ZGRF1: variants seen among roughly 807,000 people sequenced by gnomAD.
The protein encoded by ZGRF1 is 5'-3' DNA helicase ZGRF1.
ZGRF1 carries 196 observed loss-of-function variants against 203.5 expected under a neutral mutation model. That is an observed-to-expected ratio of 0.96 (90% CI 0.86 to 1.08). The LOEUF (loss-of-function observed/expected upper bound fraction) is 1.08. Ranked by LOEUF, ZGRF1 falls within the 50% of genes least tolerant of loss-of-function variation. The pLI is 0.00. For synonymous variants in ZGRF1, 809 were observed against 841.3 expected, an observed-to-expected ratio of 0.96 and a Z score of 0.66; for missense variants, 2,326 against 2,416.3, an observed-to-expected ratio of 0.96 and a Z score of 0.78.
In ZGRF1 at chr4:112,587,905, T is replaced by G; in HGVS notation, c.3152A>C (p.Glu1051Ala). 6.5e-7 allele frequency: 1 copy of G among 1,532,104 alleles called. No individual in the cohort carries two copies. The highest frequency in any genetic ancestry group is 8.8e-7 in the Non-Finnish European group (1 of 1,140,970). The allele number at this position is 1,532,104 out of a possible 1,614,324, so 94.9% of individuals were successfully genotyped here. ...TGAAAGCCTTTGAAGGTTCTCATTC[T>G]CCAGAGAACGGGATTTTTTCATCCC... Reference protein sequence around the residue: ...LEGMKKSRSLENENLQRLSLL... With the variant: ...LEGMKKSRSLANENLQRLSLL... Residue 1051 changes from glutamate to alanine, a missense_variant, in exon 12 of 28, where the codon GAG becomes GCG. Physicochemically the swap from Glu to Ala is moderately radical, Grantham distance 107. Coordinates refer to ENST00000505019, the MANE Select transcript of ZGRF1 (RefSeq NM_018392.5).
Position 112,582,255 on chromosome 4 carries a change from A to G in ZGRF1, c.4299-453T>C, listed in dbSNP as rs1406296029. 2.0e-5 allele frequency among the ~76,000 whole-genome samples: 3 copies of G among 150,710 alleles called. No homozygotes were observed. In the East Asian group the frequency reaches 5.8e-4, roughly 29 times the overall value. ...CTAGTTATTCTGATATATACAATAA[A>G]TTATTGTTAACTATAATTTCCCTAC... On this transcript the variant is annotated intron_variant, in intron 15 of 27. Transcript: ENST00000505019.
At chr4:112,614,140 C>T in intron 6 of ZGRF1, among the ~76,000 whole-genome samples, 1 of 150,756 alleles carries the variant, frequency 6.6e-6, no homozygotes, top group East Asian at 2.2e-4. Context: ...AAATTGGTGG[C>T]AAAATTTCTT....
Position 112,634,714 on chromosome 4 carries a change from C to G in ZGRF1, c.-66-1472G>C, listed in dbSNP as rs529573528. Reference sequence around the variant, plus strand: ...TGCAAGAAAGTGACTGGCATCTTCCCTTGACTAATCAAGGTGATCTGGAGA... The same window carrying G: ...TGCAAGAAAGTGACTGGCATCTTCCGTTGACTAATCAAGGTGATCTGGAGA... On this transcript the variant is annotated intron_variant, in intron 1 of 27. Transcript: ENST00000505019. 2.6e-5 allele frequency among the ~76,000 whole-genome samples: 4 copies of G among 152,120 alleles called. No individual in the cohort carries two copies. In the East Asian group the frequency reaches 7.7e-4, roughly 29 times the overall value.
At chr4:112,554,120 G>A in intron 21 of ZGRF1, 138 bp from the exon 22 acceptor site, 2 of 640,198 alleles carry the variant, frequency 3.1e-6, no homozygotes, top group South Asian at 2.0e-5. Context: ...TGTTACATAT[G>A]TATACATGTG....
chr4:112,543,964 C>T (rs995226185), intron 24 of ZGRF1, among the ~76,000 whole-genome samples: 2 of 152,056 alleles, frequency 1.3e-5, no homozygotes, highest in East Asian at 3.9e-4. Context: ...CTGGGATTTA[C>T]AGGCTGGAGC....
chr4:112,622,019 C>T (rs112169625), intron 4 of ZGRF1, among the ~76,000 whole-genome samples: 1,860 of 151,728 alleles, frequency 0.012, 12 homozygotes, highest in Middle Eastern at 0.044. Flanking sequence ...TGAGCCACCG[C>T]GCCTGGCCTG....
chr4:112,613,909 G>A (rs994435838), intron 6 of ZGRF1, among the ~76,000 whole-genome samples: 2 of 152,094 alleles, frequency 1.3e-5, no homozygotes, highest in South Asian at 2.1e-4. Flanking sequence ...TTAGGCAATT[G>A]CTATTTATGA....
intron 11 of ZGRF1, among the ~76,000 whole-genome samples, chr4:112,589,140 A>G (rs1414029433): frequency 2.6e-5 from 4 of 152,168 alleles, no homozygotes; most frequent in African/African-American, 9.7e-5. Flanking sequence ...TCAGGGGAAG[A>G]TATATTGATG....
intron 3 of ZGRF1, 179 bp from the exon 4 acceptor site, chr4:112,624,055 A>C (rs1163885930): frequency 1.9e-6 from 1 of 523,066 alleles, no homozygotes; most frequent in East Asian, 3.3e-5. Context: ...CAGTCTGTTT[A>C]AGAGAGTAAA....
In ZGRF1 at chr4:112,539,446, T is replaced by A; in HGVS notation, c.*101A>T. On this transcript the variant is annotated 3_prime_UTR_variant, in exon 28 of 28. Coordinates refer to ENST00000505019, the MANE Select transcript of ZGRF1 (RefSeq NM_018392.5). ...TGTTTACTATGTTATTTAAATATCA[T>A]ATTTTTAATAAGAGGGTTTAGAGTA... 1 of 624,432 alleles carries A rather than the reference T, an allele frequency of 1.6e-6. No individual in the cohort carries two copies. Among genetic ancestry groups the A allele is most frequent in the Non-Finnish European group, 2.5e-6 (1 of 407,512 alleles). 38.7% of individuals were successfully genotyped at this position (624,432 alleles called of 1,614,324 possible).
At position 112,554,001 on chromosome 4, in the gene ZGRF1, A is replaced by T. The variant is rs751180472; in HGVS notation, c.5199-19T>A. The T allele has an allele frequency of 9.5e-6, 15 of 1,586,510 alleles. No individual in the cohort carries two copies. The highest frequency in any genetic ancestry group is 1.0e-5 in the Non-Finnish European group (12 of 1,170,810). Reference sequence around the variant, plus strand: ...ATGCAAGCTAAAGAATTATATTAAAACACTCCTCTTTATTCCATTTTTCAT... The same window carrying T: ...ATGCAAGCTAAAGAATTATATTAAATCACTCCTCTTTATTCCATTTTTCAT... On this transcript the variant is annotated intron_variant, in intron 21 of 27. Coordinates refer to ENST00000505019, the MANE Select transcript of ZGRF1 (RefSeq NM_018392.5).
At position 112,587,483 on chromosome 4, in the gene ZGRF1, C is replaced by T; in HGVS notation, c.3574G>A (p.Val1192Ile). The T allele has an allele frequency of 6.2e-7, 1 of 1,613,914 alleles. No individual in the cohort carries two copies. The highest frequency in any genetic ancestry group is 1.1e-5 in the South Asian group (1 of 91,080). Residue 1192 changes from valine to isoleucine, a missense_variant, in exon 12 of 28, where the codon GTC becomes ATC. Coordinates refer to ENST00000505019, the MANE Select transcript of ZGRF1 (RefSeq NM_018392.5). ...RDTSERQSDA[V>I]NESSLDSVHL... ...ACAGAGTCTAAAGAGCTTTCATTGACAGCATCACTCTGTCTTTCACTTGTG... is the reference window on the plus strand; with the variant it reads ...ACAGAGTCTAAAGAGCTTTCATTGATAGCATCACTCTGTCTTTCACTTGTG...
At chr4:112,589,988 T>C (rs921983642) in intron 10 of ZGRF1, 114 bp from the exon 11 acceptor site, 16 of 715,168 alleles carry the variant, frequency 2.2e-5, no homozygotes, top group Non-Finnish European at 1.9e-5. Context: ...GCACATTATG[T>C]AGAGCTATGG....
intron 2 of ZGRF1, 45 bp downstream of exon 2, chr4:112,633,111 A>T (rs756242156): frequency 4.5e-6 from 7 of 1,557,366 alleles, no homozygotes; most frequent in Non-Finnish European, 6.2e-6. Context: ...AGAAAGAGAC[A>T]GAGGAAGGGA....
chr4:112,571,066 T>C (rs1272800884), intron 16 of ZGRF1, among the ~76,000 whole-genome samples: 2 of 148,238 alleles, frequency 1.3e-5, no homozygotes, highest in East Asian at 2.0e-4. Flanking sequence ...ATTGTGCCAC[T>C]GCACTCAGCC....
chr4:112,560,104 A>G lies in ZGRF1; in HGVS notation c.4960+629T>C, dbSNP rs117236425. Among the ~76,000 whole-genome samples the G allele has an allele frequency of 7.2e-3, 1,093 of 152,324 alleles. 33 individuals carry two copies. The East Asian group carries it at 0.094, about 13-fold the overall frequency. Reference sequence around the variant, plus strand: ...ATATGACATAATTCCTCAAAATAGGACAGAAAAGTAGGATTAGCTTTGGGG... The same window carrying G: ...ATATGACATAATTCCTCAAAATAGGGCAGAAAAGTAGGATTAGCTTTGGGG... On this transcript the variant is annotated intron_variant, in intron 19 of 27. Coordinates refer to ENST00000505019, the MANE Select transcript of ZGRF1 (RefSeq NM_018392.5).
At chr4:112,631,817 T>G in intron 3 of ZGRF1, 113 bp downstream of exon 3, 1 of 492,146 alleles carries the variant, frequency 2.0e-6, no homozygotes, top group Admixed American at 4.0e-5. Context: ...TGTTTTCACA[T>G]CATTTCAGTG....
At chr4:112,609,114 C>T (rs1022817858) in intron 8 of ZGRF1, among the ~76,000 whole-genome samples, 12 of 151,002 alleles carry the variant, frequency 7.9e-5, no homozygotes, top group African/African-American at 2.7e-4. Flanking sequence ...AGTGCAGTGG[C>T]GTTATCTCGG....
At chr4:112,617,317 A>G (rs970453334) in intron 6 of ZGRF1, 123 bp downstream of exon 6, 2 of 637,738 alleles carry the variant, frequency 3.1e-6, no homozygotes, top group African/African-American at 1.9e-5. Context: ...TTTACCAAGT[A>G]CATGTATTAC....
Sources: gnomAD v4.1 joint callset for allele counts (sites outside exome capture counted in the v4.1 genomes callset) on GRCh38, gnomAD v4.1.1 for gene constraint, MANE v1.5 for transcripts, NCBI Gene and HGNC (gene_info 2026-07-23, HGNC 2026-07-21) for gene names.